The following FSTL5 variants were observed in gnomAD, a reference collection of about 807,000 sequenced individuals.
FSTL5 encodes the protein follistatin like 5, also known as follistatin-related protein 5.
A neutral mutation model predicts 89.1 loss-of-function variants in FSTL5; 62 were observed. That is an observed-to-expected ratio of 0.70 (90% CI 0.57 to 0.86). FSTL5 has a LOEUF of 0.86. Ranked by LOEUF, FSTL5 falls within the 40% of genes least tolerant of loss-of-function variation. The pLI is 0.00. For missense variants in FSTL5, 1,057 were observed against 1,001.6 expected (o/e 1.06, Z -0.75); for synonymous variants, 383 against 346.2 (o/e 1.11, Z -1.18).
chr4:161,496,203 T>C (rs771178887), intron 12 of FSTL5, among the ~76,000 whole-genome samples: 1 of 152,188 alleles, frequency 6.6e-6, no homozygotes, highest in Non-Finnish European at 1.5e-5. Flanking sequence ...CAAATGTTTC[T>C]TGGCCTGTCA....
intron 6 of FSTL5, among the ~76,000 whole-genome samples, chr4:161,700,774 A>G (rs1738361320): frequency 6.6e-6 from 1 of 152,252 alleles, no homozygotes; most frequent in African/African-American, 2.4e-5. Context: ...GTAGAGAAAA[A>G]TAATATACAT....
intron 6 of FSTL5, among the ~76,000 whole-genome samples, chr4:161,680,520 CGTTT>C (rs1236633129): frequency 6.6e-6 from 1 of 151,760 alleles, no homozygotes; most frequent in Admixed American, 6.6e-5. Flanking sequence ...TCTTTTTGTT[CGTTT>C]GTTTTTGTCT....
intron 8 of FSTL5, among the ~76,000 whole-genome samples, chr4:161,569,768 C>A (rs1026531136): frequency 1.0e-5 from 1 of 99,038 alleles, no homozygotes. Context: ...AACACACACA[C>A]ACACACACAC....
At chr4:161,690,002 T>C (rs1737876103) in intron 6 of FSTL5, among the ~76,000 whole-genome samples, 1 of 152,190 alleles carries the variant, frequency 6.6e-6, no homozygotes, top group Admixed American at 6.5e-5. Context: ...GGCTGGATAA[T>C]GTTCCACTCT....
In FSTL5 at chr4:161,714,743, T is replaced by C. The variant is rs534292027; in HGVS notation, c.727+44668A>G. On this transcript the variant is annotated intron_variant, in intron 6 of 15. Coordinates refer to ENST00000306100, the MANE Select transcript of FSTL5 (RefSeq NM_020116.5). ...TTTTTTACATACAAGCCATTGTTTT[T>C]GCTCAGAAAGAAATAAACTTTACTT... 2.0e-5 allele frequency among the ~76,000 whole-genome samples: 3 copies of C among 152,324 alleles called. No individual in the cohort carries two copies. In the South Asian group the frequency reaches 6.2e-4, roughly 32 times the overall value.
Position 161,581,310 on chromosome 4 carries a change from C to T in FSTL5, c.1015+6145G>A, listed in dbSNP as rs190266720. Reference sequence around the variant, plus strand: ...TCCTTGTGCATGAACCACAGTTTGACAATCACTGAGCTAGGGTAACCCTCT... The same window carrying T: ...TCCTTGTGCATGAACCACAGTTTGATAATCACTGAGCTAGGGTAACCCTCT... On this transcript the variant is annotated intron_variant, in intron 8 of 15. Transcript: ENST00000306100. Among the ~76,000 whole-genome samples, 401 of 152,304 alleles carry T rather than the reference C, an allele frequency of 2.6e-3. 9 individuals are homozygous for T. The highest frequency in any genetic ancestry group is 0.018 in the Admixed American group (281 of 15,294).
chr4:161,754,807 G>A (rs1328901792), intron 6 of FSTL5, among the ~76,000 whole-genome samples: 4 of 152,094 alleles, frequency 2.6e-5, no homozygotes, highest in East Asian at 1.9e-4. Flanking sequence ...ATGGCAAATC[G>A]CTTATATTTA....
chr4:161,827,838 G>A (rs1278927062), intron 4 of FSTL5, among the ~76,000 whole-genome samples: 1 of 152,138 alleles, frequency 6.6e-6, no homozygotes, highest in African/African-American at 2.4e-5. Flanking sequence ...CGGGCATGCT[G>A]AGAACTTGCC....
At position 161,601,639 on chromosome 4, in the gene FSTL5, A is replaced by G. The variant is rs188347415; in HGVS notation, c.895-14064T>C. Among the ~76,000 whole-genome samples the G allele has an allele frequency of 9.2e-5, 14 of 152,290 alleles. No individual in the cohort carries two copies. In the East Asian group the frequency reaches 2.5e-3, roughly 27 times the overall value. On this transcript the variant is annotated intron_variant, in intron 7 of 15. Transcript: ENST00000306100. ...CCCTTGGTAGAGGGACAAGAGCATAAGAAACAACTTCTCTTGGGTGCAGGC... is the reference window on the plus strand; with the variant it reads ...CCCTTGGTAGAGGGACAAGAGCATAGGAAACAACTTCTCTTGGGTGCAGGC...
chr4:161,530,148 T>A (rs949762368), intron 10 of FSTL5, among the ~76,000 whole-genome samples: 1 of 142,818 alleles, frequency 7.0e-6, no homozygotes, highest in Non-Finnish European at 1.5e-5. Flanking sequence ...TCTATTCTAT[T>A]TCTAAAGTTT....
intron 8 of FSTL5, among the ~76,000 whole-genome samples, chr4:161,569,479 C>A (rs1333104097): frequency 6.6e-6 from 1 of 152,056 alleles, no homozygotes; most frequent in Non-Finnish European, 1.5e-5. Flanking sequence ...AAAAACAACT[C>A]AAAGGAGGTG....
chr4:161,783,757 TTTCC>T (rs1560843898), intron 4 of FSTL5, among the ~76,000 whole-genome samples: 3 of 108,702 alleles, frequency 2.8e-5, no homozygotes, highest in South Asian at 6.8e-4. Flanking sequence ...TCTTTCTTTC[TTTCC>T]TTCTTTCTCT....
intron 3 of FSTL5, among the ~76,000 whole-genome samples, chr4:161,940,348 G>C (rs1357993810): frequency 6.6e-6 from 1 of 151,440 alleles, no homozygotes; most frequent in Non-Finnish European, 1.5e-5. Context: ...GAAGAGGAGA[G>C]AGAAAAAAAG....
chr4:161,607,787 A>G (rs1374088375), intron 7 of FSTL5, among the ~76,000 whole-genome samples: 1 of 152,182 alleles, frequency 6.6e-6, no homozygotes, highest in African/African-American at 2.4e-5. Flanking sequence ...AAAGTTATCT[A>G]TAGTATTCAC....
At chr4:162,009,237 G>A (rs1367572703) in intron 3 of FSTL5, among the ~76,000 whole-genome samples, 1 of 152,024 alleles carries the variant, frequency 6.6e-6, no homozygotes, top group East Asian at 1.9e-4. Context: ...TAGTGCCCCA[G>A]TATAATTGTT....
At chr4:162,073,837 G>A (rs985176125) in intron 2 of FSTL5, among the ~76,000 whole-genome samples, 10 of 151,636 alleles carry the variant, frequency 6.6e-5, no homozygotes, top group African/African-American at 2.4e-4. Flanking sequence ...TTGTTCACAG[G>A]TGATTCCCAC....
At chr4:162,053,903 T>C (rs1158910782) in intron 2 of FSTL5, among the ~76,000 whole-genome samples, 1 of 151,758 alleles carries the variant, frequency 6.6e-6, no homozygotes, top group Non-Finnish European at 1.5e-5. Flanking sequence ...TCCTGTTCTA[T>C]GCAAATTTTT....
At chr4:161,409,615 C>G (rs890235962) in intron 15 of FSTL5, among the ~76,000 whole-genome samples, 4 of 152,092 alleles carry the variant, frequency 2.6e-5, no homozygotes, top group Non-Finnish European at 4.4e-5. Flanking sequence ...CTCATCACCT[C>G]GTGATCCACC....
Position 161,530,132 on chromosome 4 carries a change from T to G in FSTL5, c.1312+8034A>C, listed in dbSNP as rs916908393. On this transcript the variant is annotated intron_variant, in intron 10 of 15. Transcript: ENST00000306100. ...GAGGTTAATTAATTTGTTTATGTTA[T>G]CAGAATCTATTCTATTTCTAAAGTT... Among the ~76,000 whole-genome samples, 26 of 143,070 alleles carry G rather than the reference T, an allele frequency of 1.8e-4. 5 individuals are homozygous for G. The highest frequency in any genetic ancestry group is 9.2e-3 in the Middle Eastern group (2 of 218). The allele number at this position is 143,070 out of a possible 152,430, so 93.9% of individuals were successfully genotyped here. A position where few individuals can be genotyped will look rare whatever the true frequency, so the allele number is the denominator to read the frequency against.
Sources: allele counts gnomAD v4.1 joint callset (sites outside exome capture counted in the v4.1 genomes callset), GRCh38; gene constraint gnomAD v4.1.1; transcripts MANE v1.5; gene names NCBI Gene and HGNC (gene_info 2026-07-23, HGNC 2026-07-21).